Variants in RBFOX1 observed in about 807,000 individuals in gnomAD.
The protein encoded by RBFOX1 is RNA binding fox-1 homolog 1.
In RBFOX1, 8 loss-of-function variants were observed where a neutral mutation model predicts 57.7. The ratio of observed to expected loss-of-function variants is 0.14; its 90% CI spans 0.08 to 0.25. The LOEUF (loss-of-function observed/expected upper bound fraction) is 0.25, where lower values mean the gene tolerates loss of function less well. Among genes scored for constraint, RBFOX1 ranks in the 10% least tolerant of loss-of-function variants. RBFOX1 has a pLI of 1.00. For synonymous variants in RBFOX1, 326 were observed against 222.4 expected, an observed-to-expected ratio of 1.47 and a Z score of -4.15; for missense variants, 611 against 548.5, an observed-to-expected ratio of 1.11 and a Z score of -1.14.
chr16:6,060,742 G>T (rs1339903070), intron 1 of RBFOX1, among the ~76,000 whole-genome samples: 1 of 152,202 alleles, frequency 6.6e-6, no homozygotes, highest in Non-Finnish European at 1.5e-5. Flanking sequence ...GGGGCAGAGA[G>T]TTCAGTCATA....
intron 4 of RBFOX1, among the ~76,000 whole-genome samples, chr16:7,344,101 C>CTTTTTT (rs61008217): frequency 5.3e-4 from 48 of 90,474 alleles, no homozygotes; most frequent in Non-Finnish European, 6.7e-4. Context: ...CTCAGCTTTA[C>CTTTTTT]TTTTTTTTTT....
chr16:7,035,932 G>A (rs79808921), intron 3 of RBFOX1, among the ~76,000 whole-genome samples: 12 of 152,034 alleles, frequency 7.9e-5, no homozygotes, highest in African/African-American at 2.4e-4. Flanking sequence ...CCACCACCCA[G>A]CCAACCCTTT....
intron 4 of RBFOX1, among the ~76,000 whole-genome samples, chr16:7,341,776 C>CTCCTTCCCTCCT (rs2096900412): frequency 1.1e-5 from 1 of 95,120 alleles, no homozygotes; most frequent in South Asian, 5.6e-4. Flanking sequence ...CCCTCCCTCC[C>CTCCTTCCCTCCT]TCCTTCCTTC....
intron 1 of RBFOX1, among the ~76,000 whole-genome samples, chr16:6,106,928 C>G (rs1163324631): frequency 6.6e-6 from 1 of 152,126 alleles, no homozygotes; most frequent in Non-Finnish European, 1.5e-5. Flanking sequence ...TCCTTGGCCT[C>G]CCAAAGGGCT....
chr16:6,630,933 A>G (rs1182072270), intron 2 of RBFOX1, among the ~76,000 whole-genome samples: 1 of 152,180 alleles, frequency 6.6e-6, no homozygotes, highest in Non-Finnish European at 1.5e-5. Context: ...TTCAATTAAA[A>G]AAATGTTTTA....
intron 3 of RBFOX1, among the ~76,000 whole-genome samples, chr16:6,911,151 A>G (rs1390425284): frequency 6.6e-6 from 1 of 151,614 alleles, no homozygotes; most frequent in East Asian, 1.9e-4. Context: ...GAGTGAGCCG[A>G]TAATCGCACC....
intron 3 of RBFOX1, among the ~76,000 whole-genome samples, chr16:6,730,783 G>A (rs2068368529): frequency 6.6e-6 from 1 of 152,158 alleles, no homozygotes; most frequent in Non-Finnish European, 1.5e-5. Context: ...TTGGAAGATG[G>A]CTTAGATTTC....
intron 3 of RBFOX1, among the ~76,000 whole-genome samples, chr16:5,810,532 A>G (rs558642516): frequency 2.0e-4 from 30 of 152,320 alleles, no homozygotes; most frequent in African/African-American, 7.0e-4. Flanking sequence ...CTCAGCACAC[A>G]TACCTGCACT....
chr16:7,184,269 T>C (rs1280835106), intron 4 of RBFOX1, among the ~76,000 whole-genome samples: 5 of 152,194 alleles, frequency 3.3e-5, no homozygotes, highest in South Asian at 2.1e-4. Context: ...ATTTTAGTTT[T>C]AGGACAATAG....
chr16:6,575,913 G>A (rs534157531), intron 2 of RBFOX1, among the ~76,000 whole-genome samples: 162 of 149,834 alleles, frequency 1.1e-3, no homozygotes, highest in African/African-American at 3.9e-3. Flanking sequence ...ATAAAAACAT[G>A]CAAGATAATT....
intron 4 of RBFOX1, among the ~76,000 whole-genome samples, chr16:7,395,328 A>G (rs1013894202): frequency 1.9e-4 from 29 of 152,256 alleles, no homozygotes; most frequent in Non-Finnish European, 3.7e-4. Flanking sequence ...CACTTTACTT[A>G]GAAACTCAGC....
intron 2 of RBFOX1, among the ~76,000 whole-genome samples, chr16:6,523,838 T>A (rs1197664191): frequency 6.6e-6 from 1 of 152,180 alleles, no homozygotes; most frequent in Non-Finnish European, 1.5e-5. Flanking sequence ...TTGAAAAAAA[T>A]GTGCCTTGCT....
At chr16:5,901,632 G>T (rs746458865) in intron 4 of RBFOX1, among the ~76,000 whole-genome samples, 15 of 152,144 alleles carry the variant, frequency 9.9e-5, no homozygotes, top group Non-Finnish European at 1.6e-4. Flanking sequence ...GGAGCTCAAG[G>T]CTGCCATATT....
At chr16:7,210,536 C>A (rs1255429546) in intron 4 of RBFOX1, among the ~76,000 whole-genome samples, 2 of 152,192 alleles carry the variant, frequency 1.3e-5, no homozygotes, top group Non-Finnish European at 2.9e-5. Flanking sequence ...CCTAAATTAA[C>A]ATTTTATGGA....
At chr16:6,182,784 A>T (rs1323071912) in intron 1 of RBFOX1, among the ~76,000 whole-genome samples, 2 of 152,240 alleles carry the variant, frequency 1.3e-5, no homozygotes, top group Admixed American at 6.5e-5. Flanking sequence ...TCTTACTGAA[A>T]CATATGTGAA....
At chr16:6,861,440 A>G (rs141851974) in intron 3 of RBFOX1, among the ~76,000 whole-genome samples, 2 of 152,042 alleles carry the variant, frequency 1.3e-5, no homozygotes, top group East Asian at 3.9e-4. Context: ...GCTAATTGCA[A>G]GGCCTGACTC....
At chr16:6,808,126 G>C (rs1045651994) in intron 3 of RBFOX1, among the ~76,000 whole-genome samples, 1 of 140,936 alleles carries the variant, frequency 7.1e-6, no homozygotes, top group Non-Finnish European at 1.5e-5. Context: ...AATATGCATA[G>C]AACTATATAT....
At chr16:7,350,829 C>A (rs1190735608) in intron 4 of RBFOX1, among the ~76,000 whole-genome samples, 1 of 152,104 alleles carries the variant, frequency 6.6e-6, no homozygotes, top group African/African-American at 2.4e-5. Context: ...AGAAATGTAT[C>A]TGTGTCTGTG....
At chr16:6,644,222 G>A (rs180775385) in intron 2 of RBFOX1, among the ~76,000 whole-genome samples, 7 of 152,260 alleles carry the variant, frequency 4.6e-5, no homozygotes, top group East Asian at 3.9e-4. Context: ...AGAAGCCGTT[G>A]TTATTTTCAC....
Sources: allele counts gnomAD v4.1 joint callset (sites outside exome capture counted in the v4.1 genomes callset), GRCh38; gene constraint gnomAD v4.1.1; transcripts MANE v1.5; gene names NCBI Gene and HGNC (gene_info 2026-07-23, HGNC 2026-07-21).